The following TIFA variants were observed in gnomAD, a reference collection of about 807,000 sequenced individuals.
The protein encoded by TIFA is TRAF interacting protein with forkhead associated domain.
For missense variants in TIFA, 186 were observed against 215.2 expected (o/e 0.86, Z 0.85); for synonymous variants, 75 against 79.2 (o/e 0.95, Z 0.28).
chr4:112,278,023 C>T lies in TIFA; in HGVS notation c.394G>A (p.Glu132Lys), dbSNP rs747090217. 12 of 1,613,838 alleles carry T rather than the reference C, an allele frequency of 7.4e-6. No homozygotes were observed. Among genetic ancestry groups the T allele is most frequent in the African/African-American group, 1.3e-5 (1 of 74,892 alleles). The change falls in exon 2 of 2, where the codon GAG becomes AAG. Residue 132 changes from glutamate (E) to lysine (K), a missense_variant. Coordinates refer to ENST00000361717, the MANE Select transcript of TIFA (RefSeq NM_052864.3). Reference protein sequence around the residue: ...YQFLMEKEDGESLEFFETQFI... With the variant: ...YQFLMEKEDGKSLEFFETQFI... ...TGAGTCTCAAAAAATTCCAATGACT[C>T]GCCATCTTCCTTCTCCATCAGAAAC... is the stretch of plus-strand genomic sequence containing the variant.
rs1277853058 is a variant in TIFA, at chr4:112,278,072, G to A, written c.345C>T (p.Cys115=). Residue 115 remains cysteine (C), a synonymous_variant, in exon 2 of 2, where the codon TGC becomes TGT. Transcript: ENST00000361717. The stretch of plus-strand genomic sequence containing the variant: ...ACTGATACTCTCCGAATCTGACCAT[G>A]CACCTGTATGGCAGGTCCATTTTAT... The part of the protein sequence containing the change: ...YLNKMDLPYR[C]MVRFGEYQFL... 6.2e-7 allele frequency: 1 copy of A among 1,613,944 alleles called. No individual in the cohort carries two copies. The highest frequency in any genetic ancestry group is 2.2e-5 in the East Asian group (1 of 44,884).
rs1727124808 is a variant in TIFA, at chr4:112,276,868, C to T, written c.*994G>A. The T allele has an allele frequency of 6.6e-6, 1 of 152,234 alleles. No individual in the cohort carries two copies. The highest frequency in any genetic ancestry group is 2.4e-5 in the African/African-American group (1 of 41,542). 9.4% of individuals were successfully genotyped at this position (152,234 alleles called of 1,614,324 possible). A position where few individuals can be genotyped will look rare whatever the true frequency, so the allele number is the denominator to read the frequency against. On this transcript the variant is annotated 3_prime_UTR_variant, in exon 2 of 2. Coordinates refer to ENST00000361717, the MANE Select transcript of TIFA (RefSeq NM_052864.3). ...CAATTTAACTTAACTGAATGGTTAC[C>T]TCATCTACTTAACATTCATAGCTAC...
chr4:112,283,202 G>C (rs188873256), intron 1 of TIFA, among the ~76,000 whole-genome samples: 11 of 152,286 alleles, frequency 7.2e-5, no homozygotes, highest in Admixed American at 7.2e-4. Flanking sequence ...ACAAACTTTA[G>C]CAGTTAACCT....
intron 1 of TIFA, among the ~76,000 whole-genome samples, chr4:112,282,937 T>A (rs1230023986): frequency 6.6e-6 from 1 of 152,136 alleles, no homozygotes; most frequent in Non-Finnish European, 1.5e-5. Context: ...AATTCACTTT[T>A]TTTTTGTACC....
chr4:112,283,996 T>C (rs1377643974), intron 1 of TIFA, among the ~76,000 whole-genome samples: 4 of 152,168 alleles, frequency 2.6e-5, no homozygotes, highest in Admixed American at 6.5e-5. Flanking sequence ...CAATAATATC[T>C]GTGTTAACAA....
At chr4:112,282,495 A>G (rs1727244900) in intron 1 of TIFA, among the ~76,000 whole-genome samples, 1 of 152,178 alleles carries the variant, frequency 6.6e-6, no homozygotes, top group Non-Finnish European at 1.5e-5. Context: ...TTAGACCTTC[A>G]GAAATGCAAA....
chr4:112,280,599 C>T (rs925515167), intron 1 of TIFA, among the ~76,000 whole-genome samples: 13 of 152,134 alleles, frequency 8.5e-5, no homozygotes, highest in Admixed American at 8.5e-4. Flanking sequence ...ATCCACCCAC[C>T]CTCGGTCTCT....
rs1282512908 is a variant in TIFA, at chr4:112,278,272, A to G, written c.145T>C (p.Phe49Leu). ...EKLPSSEVVK[F>L]GRNSNICHYT... is the part of the protein sequence containing the mutation. The stretch of plus-strand genomic sequence containing the variant: ...TGACAGATGTTGGAATTTCGGCCAA[A>G]TTTCACCACTTCGCTGGAAGGGAGT... The change falls in exon 2 of 2, where the codon TTT (phenylalanine) becomes CTT (leucine). Residue 49 changes from phenylalanine to leucine, a missense_variant. By Grantham distance (22) the Phe-to-Leu change is conservative. Coordinates refer to ENST00000361717, the MANE Select transcript of TIFA (RefSeq NM_052864.3). The G allele has an allele frequency of 6.2e-7, 1 of 1,614,138 alleles. No homozygotes were observed. Among genetic ancestry groups the G allele is most frequent in the South Asian group, 1.1e-5 (1 of 91,080 alleles).
chr4:112,282,578 C>T (rs1457756672), intron 1 of TIFA, among the ~76,000 whole-genome samples: 1 of 152,178 alleles, frequency 6.6e-6, no homozygotes, highest in African/African-American at 2.4e-5. Context: ...TCCAAGACAA[C>T]CTTAACTTTG....
Position 112,278,248 on chromosome 4 carries a change from G to C in TIFA, c.169C>G (p.His57Asp). Residue 57 changes from histidine (H) to aspartate (D), a missense_variant, in exon 2 of 2, where the codon CAT (histidine) becomes GAT (aspartate). His to Asp is a moderately conservative substitution (Grantham distance 81). Transcript: ENST00000361717. ...ACCTGTTTGTCCTGAAAAGTATAAT[G>C]ACAGATGTTGGAATTTCGGCCAAAT... is the stretch of plus-strand genomic sequence containing the variant. Reference protein sequence around the residue: ...VKFGRNSNICHYTFQDKQVSR... With the variant: ...VKFGRNSNICDYTFQDKQVSR... 6.2e-7 allele frequency: 1 copy of C among 1,614,068 alleles called. No homozygotes were observed. Among genetic ancestry groups the C allele is most frequent in the East Asian group, 2.2e-5 (1 of 44,886 alleles).
At chr4:112,280,187 G>T (rs974843856) in intron 1 of TIFA, among the ~76,000 whole-genome samples, 2 of 152,044 alleles carry the variant, frequency 1.3e-5, no homozygotes, top group Non-Finnish European at 1.5e-5. Context: ...TTGGGGTTTG[G>T]AGATAATCAG....
chr4:112,277,689 CTA>C lies in TIFA; in HGVS notation c.*171_*172del. ...TGTAGATCCAGAATACAACAGGTGA[CTA>C]AGTTAATGACTAACACAATTTACAG... is the stretch of plus-strand genomic sequence containing the variant. On this transcript the variant is annotated 3_prime_UTR_variant, in exon 2 of 2. Transcript: ENST00000361717. 12 of 445,502 alleles carry C rather than the reference CTA, an allele frequency of 2.7e-5. No homozygotes were observed. Among genetic ancestry groups the C allele is most frequent in the South Asian group, 1.9e-4 (3 of 15,558 alleles). The allele number at this position is 445,502 out of a possible 1,614,324, so 27.6% of individuals were successfully genotyped here.
At position 112,276,444 on chromosome 4, in the gene TIFA, C is replaced by T. The variant is rs1275742854; in HGVS notation, c.*1418G>A. 2.0e-5 allele frequency: 3 copies of T among 153,044 alleles called. No homozygotes were observed. The highest frequency in any genetic ancestry group is 7.2e-5 in the African/African-American group (3 of 41,464). The allele number at this position is 153,044 out of a possible 1,614,324, so 9.5% of individuals were successfully genotyped here. On this transcript the variant is annotated 3_prime_UTR_variant, in exon 2 of 2. Transcript: ENST00000361717. ...CTGCAGCCTTCATTCCCCTTTGCCACATAACAACACAGTTACAAGTTCTGG... is the reference window on the plus strand; with the variant it reads ...CTGCAGCCTTCATTCCCCTTTGCCATATAACAACACAGTTACAAGTTCTGG...
At position 112,275,479 on chromosome 4, in the gene TIFA, T is replaced by C. The variant is rs980434344; in HGVS notation, c.*2383A>G. ...AACTTTGTAATCAAAACAATTCTAA[T>C]ACTAACCAATTGCTCTTTCATTATT... On this transcript the variant is annotated 3_prime_UTR_variant, in exon 2 of 2. Coordinates refer to ENST00000361717, the MANE Select transcript of TIFA (RefSeq NM_052864.3). 6.6e-6 allele frequency: 1 copy of C among 152,190 alleles called. No homozygotes were observed. The highest frequency in any genetic ancestry group is 2.4e-5 in the African/African-American group (1 of 41,448). 9.4% of individuals were successfully genotyped at this position (152,190 alleles called of 1,614,324 possible).
rs1727127333 is a variant in TIFA, at chr4:112,276,957, G to T, written c.*905C>A. On this transcript the variant is annotated 3_prime_UTR_variant, in exon 2 of 2. Transcript: ENST00000361717. ...AAATTTTTATTTAAGAACTGAAAAAGACTTTTTTGAAGTTAATATTTTAGA... is the reference window on the plus strand; with the variant it reads ...AAATTTTTATTTAAGAACTGAAAAATACTTTTTTGAAGTTAATATTTTAGA... 1 of 152,030 alleles carries T rather than the reference G, an allele frequency of 6.6e-6. No individual in the cohort carries two copies. The highest frequency in any genetic ancestry group is 1.5e-5 in the Non-Finnish European group (1 of 67,996). The allele number at this position is 152,030 out of a possible 1,614,324, so 9.4% of individuals were successfully genotyped here.
rs1400252023 is a variant in TIFA at position 112,276,715 on chromosome 4, T to G, written c.*1147A>C. 2 of 152,184 alleles carry G rather than the reference T, an allele frequency of 1.3e-5. No individual in the cohort carries two copies. The highest frequency in any genetic ancestry group is 2.9e-5 in the Non-Finnish European group (2 of 68,032). 9.4% of individuals were successfully genotyped at this position (152,184 alleles called of 1,614,324 possible). On this transcript the variant is annotated 3_prime_UTR_variant, in exon 2 of 2. Transcript: ENST00000361717. ...ATCAAGATGAGGTTTAAAGCCTCTTTTGGTAAGAGGCTGGAGGGTTCCCAA... is the reference window on the plus strand; with the variant it reads ...ATCAAGATGAGGTTTAAAGCCTCTTGTGGTAAGAGGCTGGAGGGTTCCCAA...
chr4:112,285,421 G>A (rs1727306205), intron 1 of TIFA: 1 of 152,202 alleles, frequency 6.6e-6, no homozygotes, highest in Non-Finnish European at 1.5e-5. Context: ...CCTCATTTAT[G>A]TAAATATTCT....
chr4:112,277,592 C>T lies in TIFA; in HGVS notation c.*270G>A, dbSNP rs770061263. On this transcript the variant is annotated 3_prime_UTR_variant, in exon 2 of 2. Transcript: ENST00000361717. Reference sequence around the variant, plus strand: ...ATAATATAACCTTATTTTGAGAACACGACTTCATCTCAAAGGATACTTTTT... The same window carrying T: ...ATAATATAACCTTATTTTGAGAACATGACTTCATCTCAAAGGATACTTTTT... 19 of 277,510 alleles carry T rather than the reference C, an allele frequency of 6.8e-5. No homozygotes were observed. The highest frequency in any genetic ancestry group is 1.1e-3 in the Middle Eastern group (1 of 932). 17.2% of individuals were successfully genotyped at this position (277,510 alleles called of 1,614,324 possible).
At chr4:112,282,143 T>G (rs904474202) in intron 1 of TIFA, among the ~76,000 whole-genome samples, 1 of 152,140 alleles carries the variant, frequency 6.6e-6, no homozygotes, top group Non-Finnish European at 1.5e-5. Context: ...AAGGGGGAGT[T>G]TCCATGCACA....
Sources: allele counts gnomAD v4.1 joint callset (sites outside exome capture counted in the v4.1 genomes callset), GRCh38; gene constraint gnomAD v4.1.1; transcripts MANE v1.5; gene names NCBI Gene and HGNC (gene_info 2026-07-23, HGNC 2026-07-21).